SLC6A11: variants seen among roughly 807,000 people sequenced by gnomAD.
The protein encoded by SLC6A11 is sodium- and chloride-dependent GABA transporter 3.
Under a neutral mutation model 74.8 loss-of-function variants are expected in SLC6A11, and 25 were observed. The observed-to-expected ratio is 0.33, with a 90% CI of 0.24 to 0.47. The LOEUF (loss-of-function observed/expected upper bound fraction) is 0.47, where lower values mean the gene tolerates loss of function less well. SLC6A11 is among the 20% of genes least tolerant of loss of function. The pLI is 1.00. For synonymous variants in SLC6A11, 330 were observed against 330.2 expected, an observed-to-expected ratio of 1.00 and a Z score of 0.01; for missense variants, 574 against 837.0, an observed-to-expected ratio of 0.69 and a Z score of 3.88.
Position 10,939,581 on chromosome 3 carries a change from A to G in SLC6A11, c.*1179A>G, listed in dbSNP as rs1246909419. The stretch of plus-strand genomic sequence containing the variant: ...CCTCTTCTCCCTCCTCCTGTCCCCT[A>G]ACCTCCACCTACCACCATCCTCCCT... On this transcript the variant is annotated 3_prime_UTR_variant, in exon 14 of 14. Coordinates refer to ENST00000254488, the MANE Select transcript of SLC6A11 (RefSeq NM_014229.3). 6.6e-6 allele frequency: 1 copy of G among 152,204 alleles called. No homozygotes were observed. The highest frequency in any genetic ancestry group is 2.4e-5 in the African/African-American group (1 of 41,374). The allele number at this position is 152,204 out of a possible 1,614,324, so 9.4% of individuals were successfully genotyped here.
intron 6 of SLC6A11, among the ~76,000 whole-genome samples, 185 bp downstream of exon 6, chr3:10,875,280 G>A (rs572409109): frequency 2.2e-4 from 33 of 152,222 alleles, no homozygotes; most frequent in Middle Eastern, 3.4e-3. Context: ...TTGAAATACC[G>A]TTACCAAAAC....
chr3:10,916,124 G>T (rs1458058872), intron 7 of SLC6A11, among the ~76,000 whole-genome samples: 1 of 152,164 alleles, frequency 6.6e-6, no homozygotes, highest in Non-Finnish European at 1.5e-5. Context: ...ATAAGTCAGG[G>T]CCATTTTGCC....
intron 5 of SLC6A11, among the ~76,000 whole-genome samples, chr3:10,864,956 A>T (rs929652067): frequency 1.3e-5 from 2 of 152,212 alleles, no homozygotes; most frequent in Non-Finnish European, 2.9e-5. Flanking sequence ...CAGGGAGAAG[A>T]TCCATAAGGA....
chr3:10,859,586 T>G (rs1227551514), intron 5 of SLC6A11, among the ~76,000 whole-genome samples: 1 of 152,192 alleles, frequency 6.6e-6, no homozygotes, highest in Admixed American at 6.5e-5. Flanking sequence ...TTTCTTTTCC[T>G]GGAGCCTGTG....
intron 5 of SLC6A11, among the ~76,000 whole-genome samples, chr3:10,868,911 C>G (rs1335212371): frequency 6.6e-6 from 1 of 152,146 alleles, no homozygotes; most frequent in Non-Finnish European, 1.5e-5. Flanking sequence ...TTGTGATGTC[C>G]TTGTTTATAA....
chr3:10,912,999 T>C (rs1695407996), intron 7 of SLC6A11, among the ~76,000 whole-genome samples: 1 of 151,554 alleles, frequency 6.6e-6, no homozygotes, highest in East Asian at 1.9e-4. Flanking sequence ...CATGGAATCA[T>C]GACAGTGCAA....
At chr3:10,924,574 A>T (rs750901781) in intron 8 of SLC6A11, among the ~76,000 whole-genome samples, 46 of 152,202 alleles carry the variant, frequency 3.0e-4, no homozygotes, top group Non-Finnish European at 5.3e-4. Flanking sequence ...GACTGGGAGA[A>T]AATATTTGTA....
rs140894498 is a variant in SLC6A11 at position 10,889,507 on chromosome 3, C to T, written c.891+14412C>T. On this transcript the variant is annotated intron_variant, in intron 6 of 13. Coordinates refer to ENST00000254488, the MANE Select transcript of SLC6A11 (RefSeq NM_014229.3). Reference sequence around the variant, plus strand: ...CTTTTCCCAACCTCCATAGTGTTGACTTTTCCAGATTGTCACATAGTTGGA... The same window carrying T: ...CTTTTCCCAACCTCCATAGTGTTGATTTTTCCAGATTGTCACATAGTTGGA... Among the ~76,000 whole-genome samples the T allele has an allele frequency of 1.5e-3, 236 of 152,296 alleles. 4 individuals carry two copies. Among genetic ancestry groups the T allele is most frequent in the African/African-American group, 5.3e-3 (222 of 41,558 alleles).
At chr3:10,865,100 C>T (rs764253524) in intron 5 of SLC6A11, among the ~76,000 whole-genome samples, 45 of 152,238 alleles carry the variant, frequency 3.0e-4, no homozygotes, top group Non-Finnish European at 5.6e-4. Flanking sequence ...GTTGGAGAGG[C>T]ATTGCTTATT....
Position 10,823,341 on chromosome 3 carries a change from A to G in SLC6A11, c.572A>G (p.Tyr191Cys). ...TTCCAGAAACTGAATGTGAGCAACT[A>G]CAGCCATGTGTCTCTGCAGAATGCC... is the stretch of plus-strand genomic sequence containing the variant. The part of the protein sequence containing the change: ...VEFQKLNVSN[Y>C]SHVSLQNATS... Residue 191 changes from tyrosine (Y) to cysteine (C), a missense_variant, in exon 4 of 14, where the codon TAC becomes TGC. Around this residue, in one of 4 missense-constraint regions of SLC6A11, gnomAD observed 215 missense variants for 357.9 expected, o/e 0.60. Coordinates refer to ENST00000254488, the MANE Select transcript of SLC6A11 (RefSeq NM_014229.3). 2 of 1,613,924 alleles carry G rather than the reference A, an allele frequency of 1.2e-6. No homozygotes were observed. Among genetic ancestry groups the G allele is most frequent in the Non-Finnish European group, 1.7e-6 (2 of 1,179,800 alleles).
At chr3:10,844,110 T>G in intron 4 of SLC6A11, 104 bp from the exon 5 acceptor site, 3 of 1,407,316 alleles carry the variant, frequency 2.1e-6, no homozygotes, top group South Asian at 2.6e-5. Context: ...ACGGTGGACG[T>G]GGGTGAATGA....
At chr3:10,931,267 C>T (rs1203888940) in intron 10 of SLC6A11, among the ~76,000 whole-genome samples, 1 of 152,178 alleles carries the variant, frequency 6.6e-6, no homozygotes, top group Non-Finnish European at 1.5e-5. Context: ...TGTAATTGTA[C>T]CATGAAGGAC....
chr3:10,836,310 A>G (rs1396041170), intron 4 of SLC6A11, among the ~76,000 whole-genome samples: 4 of 152,226 alleles, frequency 2.6e-5, no homozygotes, highest in Non-Finnish European at 5.9e-5. Context: ...ATTACGAATA[A>G]TGCTGCTATG....
chr3:10,848,527 T>C (rs1468396840), intron 5 of SLC6A11, among the ~76,000 whole-genome samples: 1 of 152,110 alleles, frequency 6.6e-6, no homozygotes, highest in East Asian at 1.9e-4. Context: ...TGGAGGGAGA[T>C]TCCCTACACC....
chr3:10,816,958 A>G lies in SLC6A11; in HGVS notation c.256+437A>G, dbSNP rs1028578920. Reference sequence around the variant, plus strand: ...ACTGAAGTGCCGAGCACCTTTGACCATATCATCTCATCTCATCCTCTCAGT... The same window carrying G: ...ACTGAAGTGCCGAGCACCTTTGACCGTATCATCTCATCTCATCCTCTCAGT... On this transcript the variant is annotated intron_variant, in intron 1 of 13. Coordinates refer to ENST00000254488, the MANE Select transcript of SLC6A11 (RefSeq NM_014229.3). The surrounding 1 kb of genome is among the most constrained non-coding windows in gnomAD (Gnocchi z 4.2). Among the ~76,000 whole-genome samples, 2 of 152,178 alleles carry G rather than the reference A, an allele frequency of 1.3e-5. No homozygotes were observed. Among genetic ancestry groups the G allele is most frequent in the African/African-American group, 2.4e-5 (1 of 41,452 alleles).
intron 4 of SLC6A11, among the ~76,000 whole-genome samples, chr3:10,836,687 C>G (rs1271101909): frequency 6.6e-6 from 1 of 152,206 alleles, no homozygotes; most frequent in Admixed American, 6.5e-5. Context: ...TCGTATTCTA[C>G]TAAGCATTGA....
At chr3:10,876,284 C>G (rs911578659) in intron 6 of SLC6A11, among the ~76,000 whole-genome samples, 1 of 152,208 alleles carries the variant, frequency 6.6e-6, no homozygotes, top group African/African-American at 2.4e-5. Context: ...GCATGGCATT[C>G]TGAATTGCAG....
At chr3:10,921,916 T>C (rs1330002222) in intron 8 of SLC6A11, among the ~76,000 whole-genome samples, 1 of 152,186 alleles carries the variant, frequency 6.6e-6, no homozygotes, top group Non-Finnish European at 1.5e-5. Context: ...GGGCAATTCA[T>C]TGAGAAGACA....
intron 6 of SLC6A11, among the ~76,000 whole-genome samples, chr3:10,886,148 T>C (rs1415547560): frequency 1.3e-5 from 2 of 152,244 alleles, no homozygotes; most frequent in Non-Finnish European, 2.9e-5. Context: ...CATTGTCTAC[T>C]ACCTGAAAAT....
Sources: allele counts gnomAD v4.1 joint callset (sites outside exome capture counted in the v4.1 genomes callset), GRCh38; gene constraint gnomAD v4.1.1; regional missense constraint gnomAD v4.1.1; non-coding constraint Gnocchi (gnomAD v3.1); transcripts MANE v1.5; gene names NCBI Gene and HGNC (gene_info 2026-07-23, HGNC 2026-07-21).